RELB: variants seen among roughly 807,000 people sequenced by gnomAD.
The protein encoded by RELB is transcription factor RelB.
A neutral mutation model predicts 55.4 loss-of-function variants in RELB; 14 were observed. The observed-to-expected ratio is 0.25, with a 90% confidence interval of 0.17 to 0.40. The LOEUF (loss-of-function observed/expected upper bound fraction) is 0.40, where lower values mean the gene tolerates loss of function less well. Among genes scored for constraint, RELB ranks in the 10% least tolerant of loss-of-function variants. The pLI, the probability that RELB is intolerant of heterozygous loss-of-function variation, is 1.00. For synonymous variants in RELB, 409 were observed against 371.3 expected (o/e 1.10, Z -1.17); for missense variants, 669 against 830.7 (o/e 0.81, Z 2.39).
At chr19:45,034,879 C>T (rs1424595684) in intron 11 of RELB, among the ~76,000 whole-genome samples, 1 of 148,804 alleles carries the variant, frequency 6.7e-6, no homozygotes, top group African/African-American at 2.5e-5. Context: ...CTCGCTCTGT[C>T]GCCCAGACTG....
intron 1 of RELB, among the ~76,000 whole-genome samples, chr19:45,002,167 G>T (rs896977846): frequency 4.0e-5 from 6 of 149,098 alleles, no homozygotes; most frequent in Non-Finnish European, 8.9e-5. Context: ...GAAAGAAGGG[G>T]AAGGGGCGGG....
rs1266749736 is a variant in RELB at position 45,001,553 on chromosome 19, T to TCCCGGCCG, written c.-18_-11dup. ...CCGCGATCGTCCACCAGACCGTGCC[T>TCCCGGCCG]CCCGGCCGCCCGGCCGGCCCGCGTG... is the stretch of plus-strand genomic sequence containing the variant. On this transcript the variant is annotated 5_prime_UTR_variant, in exon 1 of 12. Transcript: ENST00000221452. The TCCCGGCCG allele has an allele frequency of 7.3e-7, 1 of 1,371,438 alleles. No homozygotes were observed. The highest frequency in any genetic ancestry group is 1.5e-5 in the African/African-American group (1 of 64,726). The allele number at this position is 1,371,438 out of a possible 1,614,324, so 85.0% of individuals were successfully genotyped here.
At chr19:45,030,524 T>C (rs970271107) in intron 8 of RELB, among the ~76,000 whole-genome samples, 1 of 151,992 alleles carries the variant, frequency 6.6e-6, no homozygotes, top group Non-Finnish European at 1.5e-5. Flanking sequence ...TCCAGCTACT[T>C]GGGAGGCTGA....
At chr19:45,008,932 G>A (rs1006181509) in intron 2 of RELB, among the ~76,000 whole-genome samples, 1 of 152,186 alleles carries the variant, frequency 6.6e-6, no homozygotes, top group Non-Finnish European at 1.5e-5. Flanking sequence ...GTGAAAAGGG[G>A]CTTCCCTGAG....
chr19:45,008,319 C>T (rs1971308559), intron 2 of RELB: 3 of 424,244 alleles, frequency 7.1e-6, no homozygotes, highest in Non-Finnish European at 1.4e-5. Context: ...GGCCCCACAA[C>T]TAGCAAGTTG....
At position 45,023,397 on chromosome 19, in the gene RELB, CTT is replaced by C. The variant is rs1971513660; in HGVS notation, c.662+1188_662+1189del. 3.6e-5 allele frequency among the ~76,000 whole-genome samples: 5 copies of C among 138,552 alleles called. No individual in the cohort carries two copies. The South Asian group carries it at 1.1e-3, about 31-fold the overall frequency. 90.9% of individuals were successfully genotyped at this position (138,552 alleles called of 152,430 possible). A position where few individuals can be genotyped will look rare whatever the true frequency, so the allele number is the denominator to read the frequency against. ...GGTGTTTAATTTGCAGTTTTCTTTC[CTT>C]CCTTCCTTCCTTCCTTCCTTCCTTC... On this transcript the variant is annotated intron_variant, in intron 5 of 11. Coordinates refer to ENST00000221452, the MANE Select transcript of RELB (RefSeq NM_006509.4).
chr19:45,024,954 G>T (rs191445577), intron 5 of RELB, among the ~76,000 whole-genome samples: 2 of 151,916 alleles, frequency 1.3e-5, no homozygotes, highest in Non-Finnish European at 2.9e-5. Flanking sequence ...CTGCCTCCCG[G>T]GTTCAAGTGA....
intron 2 of RELB, among the ~76,000 whole-genome samples, chr19:45,005,035 G>A (rs1052166486): frequency 1.3e-5 from 2 of 152,012 alleles, no homozygotes; most frequent in Non-Finnish European, 2.9e-5. Context: ...GCCAGGCGTG[G>A]TGGCAGGCAC....
chr19:45,033,551 G>C (rs897890842), intron 9 of RELB, among the ~76,000 whole-genome samples: 4 of 151,600 alleles, frequency 2.6e-5, no homozygotes, highest in African/African-American at 9.7e-5. Flanking sequence ...CGGGCGTGGT[G>C]GTGGGCGCCT....
chr19:45,034,678 G>T, intron 11 of RELB, 150 bp downstream of exon 11: 1 of 640,504 alleles, frequency 1.6e-6, no homozygotes, highest in Non-Finnish European at 2.7e-6. Context: ...GAAAGAATGA[G>T]GGCTTTGGAG....
At chr19:45,010,427 C>G (rs779174897) in intron 3 of RELB, among the ~76,000 whole-genome samples, 2 of 151,632 alleles carry the variant, frequency 1.3e-5, no homozygotes, top group East Asian at 3.9e-4. Context: ...TCCCTGCCCT[C>G]GCAGAGCTGA....
At chr19:45,019,803 G>A (rs112380717) in intron 4 of RELB, among the ~76,000 whole-genome samples, 45 of 152,094 alleles carry the variant, frequency 3.0e-4, no homozygotes, top group African/African-American at 9.4e-4. Flanking sequence ...TCAGCCTCCC[G>A]AGTAGCTGGG....
Position 45,011,787 on chromosome 19 carries a change from TGTGTGTGTGTGAGAGAGAGAGAGA to T in RELB, c.164-147_164-124del, listed in dbSNP as rs1422556622. On this transcript the variant is annotated intron_variant, in intron 3 of 11. Coordinates refer to ENST00000221452, the MANE Select transcript of RELB (RefSeq NM_006509.4). ...GTGTGTGTGTGTGTGTGTGTGTGTG[TGTGTGTGTGTGAGAGAGAGAGAGA>T]GAGAGAGAGAGAGAGAGAGAGAGAT... The T allele has an allele frequency of 3.6e-5, 12 of 333,990 alleles. No individual in the cohort carries two copies. The African/African-American group carries it at 5.3e-4, about 15-fold the overall frequency. The allele number at this position is 333,990 out of a possible 1,614,324, so 20.7% of individuals were successfully genotyped here. A position where few individuals can be genotyped will look rare whatever the true frequency, so the allele number is the denominator to read the frequency against.
At chr19:45,033,790 A>C (rs948665463) in intron 9 of RELB, among the ~76,000 whole-genome samples, 56 of 150,588 alleles carry the variant, frequency 3.7e-4, no homozygotes, top group African/African-American at 1.3e-3. Context: ...TGATCCGCCC[A>C]CTTCAGCCTC....
chr19:45,017,383 G>A (rs2122432471), intron 4 of RELB, among the ~76,000 whole-genome samples: 1 of 143,016 alleles, frequency 7.0e-6, no homozygotes, highest in Middle Eastern at 3.6e-3. Flanking sequence ...GAGGTTAGGA[G>A]TTCGAGGCCC....
intron 4 of RELB, among the ~76,000 whole-genome samples, chr19:45,019,740 C>T (rs6509175): frequency 6.6e-6 from 1 of 151,974 alleles, no homozygotes; most frequent in African/African-American, 2.4e-5. Flanking sequence ...TGCAATGGCA[C>T]GATCTGGGCC....
chr19:45,029,433 C>T (rs186313460), intron 8 of RELB, among the ~76,000 whole-genome samples: 201 of 152,286 alleles, frequency 1.3e-3, no homozygotes, highest in Non-Finnish European at 2.4e-3. Context: ...AAAAAGACAG[C>T]TGGTCACCGT....
At chr19:45,021,840 G>C (rs1971492471) in intron 4 of RELB, 2 of 470,396 alleles carry the variant, frequency 4.3e-6, no homozygotes, top group Non-Finnish European at 7.5e-6. Context: ...CTTCCAACGT[G>C]CTGGGATTGC....
At position 45,001,679 on chromosome 19, in the gene RELB, G is replaced by T; in HGVS notation, c.100G>T (p.Ala34Ser). The part of the protein sequence containing the change: ...ARPPAAPELG[A>S]LGSPDLSSLS... ...ACCGCCGGCTGCGCCGGAGCTGGGGGCCTTAGGTAAGCGGGGCTGGGGTTC... is the reference window on the plus strand; with the variant it reads ...ACCGCCGGCTGCGCCGGAGCTGGGGTCCTTAGGTAAGCGGGGCTGGGGTTC... The change falls in exon 1 of 12, where the codon GCC becomes TCC. Residue 34 changes from alanine (A) to serine (S), a missense_variant. Ala to Ser is a moderately conservative substitution (Grantham distance 99). Around this residue, in one of 3 missense-constraint regions of RELB, gnomAD observed 323 missense variants for 368.5 expected, o/e 0.88. Coordinates refer to ENST00000221452, the MANE Select transcript of RELB (RefSeq NM_006509.4). The T allele has an allele frequency of 1.3e-6, 2 of 1,520,720 alleles. No homozygotes were observed. The highest frequency in any genetic ancestry group is 8.8e-7 in the Non-Finnish European group (1 of 1,139,846). 94.2% of individuals were successfully genotyped at this position (1,520,720 alleles called of 1,614,324 possible). A position where few individuals can be genotyped will look rare whatever the true frequency, so the allele number is the denominator to read the frequency against.
Sources: allele counts gnomAD v4.1 joint callset (sites outside exome capture counted in the v4.1 genomes callset), GRCh38; gene constraint gnomAD v4.1.1; regional missense constraint gnomAD v4.1.1; transcripts MANE v1.5; gene names NCBI Gene and HGNC (gene_info 2026-07-23, HGNC 2026-07-21).